Variants in PTPRD observed in about 807,000 individuals in gnomAD.
PTPRD encodes receptor-type tyrosine-protein phosphatase delta.
Under a neutral mutation model 214.5 loss-of-function variants are expected in PTPRD, and 34 were observed. The observed-to-expected ratio is 0.16, with a 90% CI of 0.12 to 0.21. PTPRD has a LOEUF of 0.21. Among genes scored for constraint, PTPRD ranks in the 10% least tolerant of loss-of-function variants. The pLI is 1.00. For synonymous variants in PTPRD, 1,128 were observed against 845.7 expected (o/e 1.33, Z -5.79); for missense variants, 2,545 against 2,398.7 (o/e 1.06, Z -1.27).
In PTPRD at chr9:9,117,635, A is replaced by G. The variant is rs549134737; in HGVS notation, c.-143+65669T>C. ...CATGCAGCAACCTCATTACTGAATGAAAGTTTACTAAATAAAGAAAAGAAT... is the reference window on the plus strand; with the variant it reads ...CATGCAGCAACCTCATTACTGAATGGAAGTTTACTAAATAAAGAAAAGAAT... On this transcript the variant is annotated intron_variant, in intron 10 of 45. Transcript: ENST00000381196. Among the ~76,000 whole-genome samples the G allele has an allele frequency of 4.1e-4, 62 of 152,338 alleles. No homozygotes were observed. In the East Asian group the frequency reaches 4.6e-3, roughly 11 times the overall value.
At chr9:8,575,413 C>T (rs1038516060) in intron 14 of PTPRD, among the ~76,000 whole-genome samples, 30 of 151,958 alleles carry the variant, frequency 2.0e-4, no homozygotes, top group African/African-American at 7.3e-4. Context: ...ATTAAATAGC[C>T]CTGTACGGAG....
chr9:9,874,963 C>T (rs1421150743), intron 5 of PTPRD, among the ~76,000 whole-genome samples: 3 of 152,076 alleles, frequency 2.0e-5, no homozygotes, highest in Non-Finnish European at 4.4e-5. Context: ...AATTTCTGAG[C>T]TTTTGTCCAA....
chr9:9,184,060 AT>A (rs1186720722), intron 9 of PTPRD, among the ~76,000 whole-genome samples: 3 of 152,016 alleles, frequency 2.0e-5, no homozygotes, highest in East Asian at 1.9e-4. Context: ...TGTTTAGCAC[AT>A]TTTTTTCTCA....
chr9:9,421,286 A>G (rs2078713263), intron 8 of PTPRD, among the ~76,000 whole-genome samples: 1 of 6,124 alleles, frequency 1.6e-4, no homozygotes. Context: ...TCTTTGTGAA[A>G]AAAAAAAAAT....
At chr9:9,021,831 C>A (rs1158570251) in intron 10 of PTPRD, among the ~76,000 whole-genome samples, 2 of 152,126 alleles carry the variant, frequency 1.3e-5, no homozygotes, top group East Asian at 3.9e-4. Flanking sequence ...TATTTTTGTA[C>A]AGCTGTACAA....
intron 2 of PTPRD, among the ~76,000 whole-genome samples, chr9:10,379,106 T>A (rs1407924): frequency 2.6e-5 from 4 of 151,866 alleles, no homozygotes; most frequent in Admixed American, 1.3e-4. Context: ...TTTAAATTTC[T>A]TTTTTCAGAT....
At chr9:10,317,168 T>G (rs2096457125) in intron 3 of PTPRD, among the ~76,000 whole-genome samples, 1 of 151,886 alleles carries the variant, frequency 6.6e-6, no homozygotes, top group Non-Finnish European at 1.5e-5. Flanking sequence ...CTAGCCTATA[T>G]AAAGCATTTT....
chr9:8,617,155 C>A (rs1442886138), intron 14 of PTPRD, among the ~76,000 whole-genome samples: 1 of 151,902 alleles, frequency 6.6e-6, no homozygotes, highest in African/African-American at 2.4e-5. Context: ...AGTTCATGAA[C>A]CTTGGATGGG....
At chr9:9,186,631 C>CCTCTCT (rs141616035) in intron 9 of PTPRD, among the ~76,000 whole-genome samples, 66 of 141,060 alleles carry the variant, frequency 4.7e-4, no homozygotes, top group African/African-American at 1.6e-3. Context: ...TCTGTCTCTC[C>CCTCTCT]CTCTCTCTCT....
intron 39 of PTPRD, among the ~76,000 whole-genome samples, chr9:8,366,324 C>G (rs541371300): frequency 5.8e-4 from 88 of 152,074 alleles, no homozygotes; most frequent in African/African-American, 2.0e-3. Context: ...TCAGCAAGCA[C>G]CACTGTGCAC....
At chr9:8,938,200 T>G (rs949932943) in intron 11 of PTPRD, among the ~76,000 whole-genome samples, 16 of 152,054 alleles carry the variant, frequency 1.1e-4, no homozygotes, top group African/African-American at 3.9e-4. Context: ...GTAGAGCTAT[T>G]AAAAGTGCAT....
At chr9:10,503,213 A>AAAAAAAAAAAAC (rs1555437452) in intron 2 of PTPRD, among the ~76,000 whole-genome samples, 11 of 149,476 alleles carry the variant, frequency 7.4e-5, no homozygotes, top group African/African-American at 2.7e-4. Flanking sequence ...AAAAACAAAA[A>AAAAAAAAAAAAC]AAAACACCAT....
chr9:8,728,011 G>T (rs2098604881), intron 12 of PTPRD, among the ~76,000 whole-genome samples: 1 of 152,166 alleles, frequency 6.6e-6, no homozygotes, highest in Non-Finnish European at 1.5e-5. Flanking sequence ...AATTTGGGAG[G>T]CCACGGCGGG....
At chr9:9,575,552 C>G (rs1262290095) in intron 7 of PTPRD, among the ~76,000 whole-genome samples, 1 of 151,042 alleles carries the variant, frequency 6.6e-6, no homozygotes, top group Non-Finnish European at 1.5e-5. Flanking sequence ...AACCCTGTCT[C>G]TACTAAAAAA....
intron 2 of PTPRD, among the ~76,000 whole-genome samples, chr9:10,370,470 AC>A (rs1467703335): frequency 6.6e-6 from 1 of 152,084 alleles, no homozygotes; most frequent in Non-Finnish European, 1.5e-5. Flanking sequence ...TTTCATGTCA[AC>A]CTGAAAATCA....
chr9:8,338,655 C>T (rs1420343205), intron 43 of PTPRD, among the ~76,000 whole-genome samples: 4 of 151,988 alleles, frequency 2.6e-5, no homozygotes, highest in African/African-American at 7.3e-5. Flanking sequence ...CTTCCCAGCA[C>T]GAACACTCAC....
At chr9:10,189,225 G>T (rs527276180) in intron 3 of PTPRD, among the ~76,000 whole-genome samples, 1 of 152,100 alleles carries the variant, frequency 6.6e-6, no homozygotes, top group Non-Finnish European at 1.5e-5. Flanking sequence ...AAGGTCTGGG[G>T]AATTTCACTG....
At chr9:8,452,117 T>C (rs1351206270) in intron 33 of PTPRD, among the ~76,000 whole-genome samples, 1 of 152,244 alleles carries the variant, frequency 6.6e-6, no homozygotes, top group Non-Finnish European at 1.5e-5. Flanking sequence ...CAGGGAGGGA[T>C]GTAGTGACAT....
chr9:9,711,842 C>A (rs140374097), intron 7 of PTPRD, among the ~76,000 whole-genome samples: 2 of 152,124 alleles, frequency 1.3e-5, no homozygotes, highest in South Asian at 4.1e-4. Flanking sequence ...CACACAGCCT[C>A]AATAATTAGA....
Sources: gnomAD v4.1 joint callset for allele counts (sites outside exome capture counted in the v4.1 genomes callset) on GRCh38, gnomAD v4.1.1 for gene constraint, MANE v1.5 for transcripts, NCBI Gene and HGNC (gene_info 2026-07-23, HGNC 2026-07-21) for gene names.